PDE1A: variants seen among roughly 807,000 people sequenced by gnomAD.
PDE1A encodes the protein phosphodiesterase 1A, also known as dual specificity calcium/calmodulin-dependent 3',5'-cyclic nucleotide phosphodiesterase 1A.
Under a neutral mutation model 61.7 loss-of-function variants are expected in PDE1A, and 35 were observed. The observed-to-expected ratio is 0.57, with a 90% CI of 0.43 to 0.75. The LOEUF (loss-of-function observed/expected upper bound fraction) is 0.75. PDE1A is among the 30% of genes least tolerant of loss of function. The probability of loss-of-function intolerance (pLI) is 0.00; values close to 1 mark genes in which losing one functional copy is unlikely to be tolerated. For missense variants in PDE1A, 597 were observed against 630.6 expected, an observed-to-expected ratio of 0.95 and a Z score of 0.57; for synonymous variants, 232 against 213.2, an observed-to-expected ratio of 1.09 and a Z score of -0.77.
chr2:182,556,509 T>C, the PDE1A span, among the ~76,000 whole-genome samples: 1 of 152,194 alleles, frequency 6.6e-6, no homozygotes, highest in African/African-American at 2.4e-5. Flanking sequence ...GTAATAATGA[T>C]GCAAGCACCA....
the PDE1A span, among the ~76,000 whole-genome samples, chr2:182,557,491 C>T: frequency 1.3e-5 from 2 of 151,912 alleles, no homozygotes; most frequent in African/African-American, 4.8e-5. Context: ...GTGGGCAGAT[C>T]GCTTGAGCCT....
intron 1 of PDE1A, among the ~76,000 whole-genome samples, chr2:182,312,537 G>C (rs540891988): frequency 4.5e-4 from 68 of 152,168 alleles, no homozygotes; most frequent in Admixed American, 2.0e-3. Flanking sequence ...TCCAATTATT[G>C]AGAGCACCAT....
chr2:182,526,544 G>A (rs1234819974), upstream of PDE1A, among the ~76,000 whole-genome samples: 1 of 152,166 alleles, frequency 6.6e-6, no homozygotes, highest in Non-Finnish European at 1.5e-5. Flanking sequence ...CTGAAAAAAT[G>A]TTCTCTCTCA....
the PDE1A span, among the ~76,000 whole-genome samples, chr2:182,604,802 T>C: frequency 6.6e-6 from 1 of 152,182 alleles, no homozygotes; most frequent in Admixed American, 6.5e-5. Flanking sequence ...CAGGTTATAT[T>C]GGTTTTTTAA....
intron 2 of PDE1A, among the ~76,000 whole-genome samples, chr2:182,519,023 T>C (rs1333422786): frequency 1.3e-5 from 2 of 152,132 alleles, no homozygotes; most frequent in East Asian, 3.8e-4. Context: ...AAGGCATTTA[T>C]CTTTCAAATG....
chr2:182,244,640 A>T (rs1690815554), intron 2 of PDE1A, among the ~76,000 whole-genome samples: 1 of 152,170 alleles, frequency 6.6e-6, no homozygotes, highest in Non-Finnish European at 1.5e-5. Context: ...ATGAGCTCAC[A>T]GATTTGTACA....
At chr2:182,418,606 T>C (rs1440788508) in intron 1 of PDE1A, among the ~76,000 whole-genome samples, 1 of 152,088 alleles carries the variant, frequency 6.6e-6, no homozygotes, top group Non-Finnish European at 1.5e-5. Context: ...GAAAGAAGAA[T>C]CAAAAAAAGC....
chr2:182,470,218 C>A (rs1686940982), intron 2 of PDE1A, among the ~76,000 whole-genome samples: 1 of 151,790 alleles, frequency 6.6e-6, no homozygotes, highest in South Asian at 2.1e-4. Context: ...TTTATAGAAT[C>A]ATTTCAGTAA....
chr2:182,169,480 A>G (rs1309307919), intron 13 of PDE1A, among the ~76,000 whole-genome samples: 1 of 152,116 alleles, frequency 6.6e-6, no homozygotes, highest in Non-Finnish European at 1.5e-5. Flanking sequence ...ACAATGAGAT[A>G]TGACACACAG....
the PDE1A span, among the ~76,000 whole-genome samples, chr2:182,629,208 C>G: frequency 8.5e-5 from 13 of 152,292 alleles, no homozygotes; most frequent in African/African-American, 2.9e-4. Flanking sequence ...GGAATTCAGT[C>G]CTGCCAACAC....
At chr2:182,694,115 T>C in the PDE1A span, among the ~76,000 whole-genome samples, 1 of 152,368 alleles carries the variant, frequency 6.6e-6, no homozygotes, top group African/African-American at 2.4e-5. Flanking sequence ...CTTAGATAGA[T>C]ATATTTATGT....
the PDE1A span, among the ~76,000 whole-genome samples, chr2:182,641,652 TTTCACATC>T: frequency 2.6e-5 from 4 of 152,344 alleles, 1 homozygote; most frequent in African/African-American, 9.6e-5. Flanking sequence ...GTTAGTCTTC[TTTCACATC>T]TTCACATAAT....
At chr2:182,431,851 C>G (rs1013016183), upstream of PDE1A, among the ~76,000 whole-genome samples, 1 of 152,078 alleles carries the variant, frequency 6.6e-6, no homozygotes, top group African/African-American at 2.4e-5. Flanking sequence ...CAACTTACCA[C>G]TCCAGAGAGT....
chr2:182,246,405 C>CTTTTGTTTTTTTTTTTTTTTTTTTTT (rs1690968899), intron 2 of PDE1A, among the ~76,000 whole-genome samples: 1 of 78,864 alleles, frequency 1.3e-5, no homozygotes, highest in Non-Finnish European at 2.2e-5. Flanking sequence ...TTTTTTCTTT[C>CTTTTGTTTTTTTTTTTTTTTTTTTTT]TTTTTTTTTT....
At chr2:182,286,148 C>T (rs568782677) in intron 1 of PDE1A, among the ~76,000 whole-genome samples, 1 of 152,048 alleles carries the variant, frequency 6.6e-6, no homozygotes, top group South Asian at 2.1e-4. Context: ...TCAAATATGA[C>T]GCTAGAAAGC....
At chr2:182,662,776 G>T in the PDE1A span, among the ~76,000 whole-genome samples, 3 of 152,148 alleles carry the variant, frequency 2.0e-5, no homozygotes, top group Non-Finnish European at 2.9e-5. Context: ...AACAGTCAAA[G>T]ATTTCATGAT....
chr2:182,500,934 T>C (rs945864804), intron 2 of PDE1A, among the ~76,000 whole-genome samples: 14 of 152,222 alleles, frequency 9.2e-5, no homozygotes, highest in African/African-American at 3.1e-4. Flanking sequence ...TCTACACCAA[T>C]GTACATAATT....
At chr2:182,265,629 T>C (rs1042151821) in intron 1 of PDE1A, among the ~76,000 whole-genome samples, 1 of 152,166 alleles carries the variant, frequency 6.6e-6, no homozygotes, top group Non-Finnish European at 1.5e-5. Flanking sequence ...CTTGAGATAA[T>C]TGTTATATAG....
the PDE1A span, among the ~76,000 whole-genome samples, chr2:182,556,459 TA>T: frequency 6.6e-6 from 1 of 152,160 alleles, no homozygotes; most frequent in Admixed American, 6.5e-5. Context: ...ACAAGTGTCT[TA>T]AAAATACTCC....
Sources: gnomAD v4.1 joint callset for allele counts (sites outside exome capture counted in the v4.1 genomes callset) on GRCh38, gnomAD v4.1.1 for gene constraint, MANE v1.5 for transcripts, NCBI Gene and HGNC (gene_info 2026-07-23, HGNC 2026-07-21) for gene names.